Variants in ZFPM2 observed in about 807,000 individuals in gnomAD.
The protein encoded by ZFPM2 is zinc finger protein ZFPM2.
ZFPM2 carries 20 observed loss-of-function variants against 98.6 expected under a neutral mutation model. The ratio of observed to expected loss-of-function variants is 0.20; its 90% CI spans 0.14 to 0.29. ZFPM2 has a LOEUF of 0.29. Ranked by LOEUF, ZFPM2 falls within the 10% of genes least tolerant of loss-of-function variation. The pLI, the probability that ZFPM2 is intolerant of heterozygous loss-of-function variation, is 1.00. For missense variants in ZFPM2, 1,310 were observed against 1,388.6 expected (o/e 0.94, Z 0.90); for synonymous variants, 518 against 502.7 (o/e 1.03, Z -0.41).
chr8:105,552,315 T>C (rs1194070407), intron 3 of ZFPM2, among the ~76,000 whole-genome samples: 1 of 152,124 alleles, frequency 6.6e-6, no homozygotes, highest in Non-Finnish European at 1.5e-5. Context: ...GCTAGCCAAG[T>C]CCTCTTACTT....
At chr8:105,643,493 C>T (rs761326935) in intron 5 of ZFPM2, among the ~76,000 whole-genome samples, 3 of 152,062 alleles carry the variant, frequency 2.0e-5, no homozygotes, top group Non-Finnish European at 4.4e-5. Flanking sequence ...CTCCTGGCCA[C>T]ATCCAAGCAG....
chr8:105,755,160 A>G (rs1442025426), intron 5 of ZFPM2, among the ~76,000 whole-genome samples: 1 of 152,176 alleles, frequency 6.6e-6, no homozygotes, highest in South Asian at 2.1e-4. Flanking sequence ...TAAAAATCAT[A>G]TAAGAGAAGC....
intron 5 of ZFPM2, among the ~76,000 whole-genome samples, chr8:105,682,965 C>G (rs1803388382): frequency 6.6e-6 from 1 of 152,056 alleles, no homozygotes; most frequent in African/African-American, 2.4e-5. Context: ...TTATTTCTTA[C>G]AGTTCTGGAG....
chr8:105,576,105 A>C (rs185618113), intron 4 of ZFPM2, among the ~76,000 whole-genome samples: 1 of 152,304 alleles, frequency 6.6e-6, no homozygotes, highest in Admixed American at 6.5e-5. Flanking sequence ...CTACCCATGA[A>C]GGAAAAAATA....
chr8:105,695,985 G>T (rs1811008728), intron 5 of ZFPM2, among the ~76,000 whole-genome samples: 1 of 152,126 alleles, frequency 6.6e-6, no homozygotes, highest in African/African-American at 2.4e-5. Context: ...TTAATGTTGA[G>T]GCCTAGATTA....
At chr8:105,569,620 T>C (rs1227335723) in intron 4 of ZFPM2, among the ~76,000 whole-genome samples, 2 of 152,172 alleles carry the variant, frequency 1.3e-5, no homozygotes, top group African/African-American at 4.8e-5. Context: ...CTAATTTCGG[T>C]GTAAGATTTG....
intron 3 of ZFPM2, among the ~76,000 whole-genome samples, chr8:105,521,991 AAAG>A (rs1224188211): frequency 6.6e-6 from 1 of 152,252 alleles, no homozygotes; most frequent in Non-Finnish European, 1.5e-5. Context: ...TAGTGTAAAA[AAAG>A]ACAAATGAAA....
intron 6 of ZFPM2, among the ~76,000 whole-genome samples, chr8:105,797,541 A>G (rs111389236): frequency 3.3e-5 from 5 of 152,178 alleles, no homozygotes; most frequent in African/African-American, 1.2e-4. Flanking sequence ...AAACTTGTTG[A>G]GAGTCTGCAA....
chr8:105,491,043 TG>T (rs1331928284), intron 3 of ZFPM2, among the ~76,000 whole-genome samples: 2 of 152,160 alleles, frequency 1.3e-5, no homozygotes, highest in Non-Finnish European at 2.9e-5. Flanking sequence ...TAGAAATATT[TG>T]GTTTTTTAAA....
intron 5 of ZFPM2, among the ~76,000 whole-genome samples, chr8:105,771,067 G>C (rs1812970265): frequency 6.6e-6 from 1 of 152,138 alleles, no homozygotes; most frequent in South Asian, 2.1e-4. Context: ...GAAATATGTT[G>C]AAGTAACAGT....
chr8:105,702,283 C>T (rs1450413102), intron 5 of ZFPM2, among the ~76,000 whole-genome samples: 1 of 152,204 alleles, frequency 6.6e-6, no homozygotes, highest in East Asian at 1.9e-4. Flanking sequence ...AAGGCATTAG[C>T]CACAGAATGT....
chr8:105,397,857 G>GAA (rs201395171), intron 1 of ZFPM2, among the ~76,000 whole-genome samples: 2 of 148,374 alleles, frequency 1.3e-5, no homozygotes, highest in African/African-American at 4.9e-5. Flanking sequence ...CATATAACAG[G>GAA]AAAAAAAAAA....
chr8:105,708,509 A>G (rs1811312071), intron 5 of ZFPM2, among the ~76,000 whole-genome samples: 1 of 151,964 alleles, frequency 6.6e-6, no homozygotes, highest in Non-Finnish European at 1.5e-5. Context: ...GGCTCACTGC[A>G]CCCTCAAGCT....
Position 105,350,414 on chromosome 8 carries a change from AG to A in ZFPM2, c.40+31435del, listed in dbSNP as rs1434913134. 3.3e-5 allele frequency among the ~76,000 whole-genome samples: 5 copies of A among 152,366 alleles called. No homozygotes were observed. The East Asian group carries it at 5.8e-4, about 18-fold the overall frequency. ...TAAGAGACAGAAAATTCTACTCTAA[AG>A]GTTATGAAATACTTGATTAGTGAAA... On this transcript the variant is annotated intron_variant, in intron 1 of 7. Coordinates refer to ENST00000407775, the MANE Select transcript of ZFPM2 (RefSeq NM_012082.4).
At position 105,803,289 on chromosome 8, in the gene ZFPM2, C is replaced by G; in HGVS notation, c.3207C>G (p.His1069Gln). The part of the protein sequence containing the change: ...QQENISQNPQ[H>Q]EDDHKSPSWI... ...AGAACATTTCCCAGAATCCTCAGCA[C>G]GAAGACGACCACAAATCTCCCTCGT... Residue 1069 changes from histidine (H) to glutamine (Q), a missense_variant, in exon 8 of 8, where the codon CAC (histidine) becomes CAG (glutamine). By Grantham distance (24) the His-to-Gln change is conservative. Coordinates refer to ENST00000407775, the MANE Select transcript of ZFPM2 (RefSeq NM_012082.4). The G allele has an allele frequency of 6.3e-7, 1 of 1,594,194 alleles. No homozygotes were observed. The highest frequency in any genetic ancestry group is 8.5e-7 in the Non-Finnish European group (1 of 1,169,832).
At chr8:105,768,477 T>C (rs770698073) in intron 5 of ZFPM2, among the ~76,000 whole-genome samples, 29 of 151,982 alleles carry the variant, frequency 1.9e-4, no homozygotes, top group Non-Finnish European at 4.0e-4. Context: ...ACATGTGAAT[T>C]ACACTCCATC....
chr8:105,699,348 A>G (rs1294556074), intron 5 of ZFPM2, among the ~76,000 whole-genome samples: 1 of 152,124 alleles, frequency 6.6e-6, no homozygotes, highest in African/African-American at 2.4e-5. Context: ...CATTTTGATA[A>G]TAAGTGGATT....
chr8:105,553,017 C>T (rs1258687689), intron 3 of ZFPM2, among the ~76,000 whole-genome samples: 1 of 151,634 alleles, frequency 6.6e-6, no homozygotes, highest in Non-Finnish European at 1.5e-5. Context: ...TGCCATGTTG[C>T]CCAGGCTGGT....
chr8:105,781,931 G>C (rs7836299), intron 5 of ZFPM2, among the ~76,000 whole-genome samples: 3 of 152,120 alleles, frequency 2.0e-5, no homozygotes, highest in African/African-American at 7.2e-5. Flanking sequence ...GAGTGTTACA[G>C]AGTGAACACC....
Sources: gnomAD v4.1 joint callset for allele counts (sites outside exome capture counted in the v4.1 genomes callset) on GRCh38, gnomAD v4.1.1 for gene constraint, MANE v1.5 for transcripts, NCBI Gene and HGNC (gene_info 2026-07-23, HGNC 2026-07-21) for gene names.